Variants in RANBP17 observed in about 807,000 individuals in gnomAD.
RANBP17 encodes the protein ran-binding protein 17.
A neutral mutation model predicts 141.2 loss-of-function variants in RANBP17; 158 were observed. The ratio of observed to expected loss-of-function variants is 1.12; its 90% CI spans 0.98 to 1.28. RANBP17 has a LOEUF of 1.28. Ranked by LOEUF, RANBP17 falls within the 50% of genes most tolerant of loss-of-function variation. The probability of loss-of-function intolerance (pLI) is 0.00; values close to 1 mark genes in which losing one functional copy is unlikely to be tolerated. For missense variants in RANBP17, 1,438 were observed against 1,290.7 expected (o/e 1.11, Z -1.75); for synonymous variants, 430 against 450.0 (o/e 0.96, Z 0.56).
At chr5:171,037,277 G>T (rs770153491) in intron 14 of RANBP17, among the ~76,000 whole-genome samples, 5 of 151,928 alleles carry the variant, frequency 3.3e-5, no homozygotes, top group Non-Finnish European at 7.4e-5. Flanking sequence ...CATGTCCTTT[G>T]CCCGCATTTT....
intron 14 of RANBP17, chr5:171,143,564 C>T (rs1407079301): frequency 2.0e-5 from 3 of 152,176 alleles, no homozygotes; most frequent in Admixed American, 6.5e-5. Flanking sequence ...CCTAGAGATA[C>T]GAATTACCTT....
chr5:171,187,411 G>A (rs1581820432), intron 18 of RANBP17, among the ~76,000 whole-genome samples: 1 of 151,440 alleles, frequency 6.6e-6, no homozygotes, highest in South Asian at 2.1e-4. Context: ...AGAATTGTTC[G>A]ACTCAGGTTT....
At chr5:171,200,884 T>A (rs1300233940) in intron 19 of RANBP17, among the ~76,000 whole-genome samples, 1 of 152,220 alleles carries the variant, frequency 6.6e-6, no homozygotes, top group African/African-American at 2.4e-5. Context: ...AAAAGAAGGA[T>A]CTTACAGATT....
intron 12 of RANBP17, among the ~76,000 whole-genome samples, chr5:170,948,786 A>T (rs974513394): frequency 2.6e-5 from 4 of 151,462 alleles, no homozygotes; most frequent in East Asian, 1.9e-4. Context: ...GAAGACTCAT[A>T]TTTTTTTTTA....
At chr5:171,131,673 A>T (rs987415585) in intron 14 of RANBP17, among the ~76,000 whole-genome samples, 4 of 152,232 alleles carry the variant, frequency 2.6e-5, no homozygotes, top group African/African-American at 9.6e-5. Context: ...GAGGTGATTT[A>T]TGATACCTGT....
intron 5 of RANBP17, among the ~76,000 whole-genome samples, chr5:170,906,810 A>G (rs1771110417): frequency 6.6e-6 from 1 of 151,798 alleles, no homozygotes; most frequent in Admixed American, 6.6e-5. Context: ...TTTCCTCACC[A>G]TTCTTTGGGT....
At chr5:171,199,415 G>A (rs1762168896) in intron 18 of RANBP17, among the ~76,000 whole-genome samples, 3 of 151,952 alleles carry the variant, frequency 2.0e-5, no homozygotes, top group Non-Finnish European at 4.4e-5. Flanking sequence ...CCTGGGGCAT[G>A]AGTCTATTAG....
At chr5:170,905,442 G>A (rs1282940266) in intron 5 of RANBP17, among the ~76,000 whole-genome samples, 2 of 152,182 alleles carry the variant, frequency 1.3e-5, no homozygotes, top group African/African-American at 4.8e-5. Context: ...TTATAGCCAT[G>A]TGCATAAAAA....
At chr5:170,872,920 T>C (rs1033746868) in intron 1 of RANBP17, among the ~76,000 whole-genome samples, 3 of 152,212 alleles carry the variant, frequency 2.0e-5, no homozygotes. Context: ...TTTTCTTTTT[T>C]TCTTTTTTTA....
intron 23 of RANBP17, 112 bp from the exon 24 acceptor site, chr5:171,242,570 T>C: frequency 9.0e-7 from 1 of 1,105,668 alleles, no homozygotes; most frequent in Admixed American, 2.2e-5. Context: ...TTATTGACCT[T>C]GTGTTTAAAT....
At chr5:170,911,177 A>G (rs1327864658) in intron 7 of RANBP17, 43 bp downstream of exon 7, 1 of 1,555,882 alleles carries the variant, frequency 6.4e-7, no homozygotes, top group East Asian at 2.3e-5. Flanking sequence ...ACATAAAGGC[A>G]CAGTATTAAG....
intron 14 of RANBP17, among the ~76,000 whole-genome samples, chr5:171,008,718 G>A (rs1027022513): frequency 3.0e-4 from 46 of 152,274 alleles, no homozygotes; most frequent in African/African-American, 1.1e-3. Context: ...CAAATCACAA[G>A]GGTGGAATGT....
At chr5:171,176,743 C>T (rs947096016) in intron 16 of RANBP17, among the ~76,000 whole-genome samples, 1 of 152,118 alleles carries the variant, frequency 6.6e-6, no homozygotes, top group Admixed American at 6.6e-5. Context: ...TATTCGAGGT[C>T]ATTTAGACAT....
At chr5:170,902,678 T>A (rs1157430482) in intron 5 of RANBP17, among the ~76,000 whole-genome samples, 1 of 152,242 alleles carries the variant, frequency 6.6e-6, no homozygotes, top group African/African-American at 2.4e-5. Flanking sequence ...TGGTCTTTGA[T>A]GTTGGTGATC....
intron 13 of RANBP17, among the ~76,000 whole-genome samples, chr5:170,964,473 T>C (rs1216467013): frequency 6.6e-6 from 1 of 152,184 alleles, no homozygotes; most frequent in African/African-American, 2.4e-5. Flanking sequence ...TGTATACATG[T>C]ACCATGCTGG....
chr5:171,286,287 G>A (rs1768166463), intron 25 of RANBP17, among the ~76,000 whole-genome samples: 1 of 152,166 alleles, frequency 6.6e-6, no homozygotes, highest in South Asian at 2.1e-4. Context: ...TTAACAGCAA[G>A]ACTAGCATTG....
chr5:171,017,305 T>TC (rs777777166), intron 14 of RANBP17, among the ~76,000 whole-genome samples: 10 of 152,176 alleles, frequency 6.6e-5, no homozygotes, highest in Non-Finnish European at 1.5e-4. Flanking sequence ...TATTTCTGGT[T>TC]CTAGATCCTT....
At chr5:171,022,619 A>G (rs1297642639) in intron 14 of RANBP17, among the ~76,000 whole-genome samples, 1 of 152,202 alleles carries the variant, frequency 6.6e-6, no homozygotes, top group East Asian at 1.9e-4. Flanking sequence ...ATGTCTTCGT[A>G]CCAAGCCTTC....
intron 14 of RANBP17, among the ~76,000 whole-genome samples, chr5:170,990,435 TA>T (rs1778428989): frequency 6.6e-6 from 1 of 151,938 alleles, no homozygotes; most frequent in Non-Finnish European, 1.5e-5. Flanking sequence ...CTGGTACATT[TA>T]TTTTTTTCCT....
Sources: allele counts gnomAD v4.1 joint callset (sites outside exome capture counted in the v4.1 genomes callset), GRCh38; gene constraint gnomAD v4.1.1; transcripts MANE v1.5; gene names NCBI Gene and HGNC (gene_info 2026-07-23, HGNC 2026-07-21).